VPS9D1: variants seen among roughly 807,000 people sequenced by gnomAD.
VPS9D1 encodes the protein VPS9 domain-containing protein 1.
A neutral mutation model predicts 75.8 loss-of-function variants in VPS9D1; 78 were observed. That is an observed-to-expected ratio of 1.03 (90% CI 0.86 to 1.24). VPS9D1 has a LOEUF of 1.24. Among genes scored for constraint, VPS9D1 ranks in the 50% most tolerant of loss-of-function variants. The probability of loss-of-function intolerance (pLI) is 0.00; values close to 1 mark genes in which losing one functional copy is unlikely to be tolerated. For synonymous variants in VPS9D1, 481 were observed against 385.6 expected (o/e 1.25, Z -2.90); for missense variants, 1,057 against 847.7 (o/e 1.25, Z -3.07).
chr16:89,716,978 T>G lies in VPS9D1; in HGVS notation c.176-156A>C, dbSNP rs867094780. On this transcript the variant is annotated intron_variant, in intron 2 of 14. Transcript: ENST00000389386. ...GCCCACTGCCCCCCCATCCCCTCAC[T>G]GACCCTGGGCAAGCCCACTGCCCCC... 4 of 407,450 alleles carry G rather than the reference T, an allele frequency of 9.8e-6. No individual in the cohort carries two copies. The African/African-American group carries it at 2.7e-4, about 28-fold the overall frequency. The allele number at this position is 407,450 out of a possible 1,614,324, so 25.2% of individuals were successfully genotyped here. A position where few individuals can be genotyped will look rare whatever the true frequency, so the allele number is the denominator to read the frequency against.
At position 89,711,988 on chromosome 16, in the gene VPS9D1, G is replaced by C; in HGVS notation, c.660-19C>G. 6.5e-7 allele frequency: 1 copy of C among 1,550,234 alleles called. No individual in the cohort carries two copies. Among genetic ancestry groups the C allele is most frequent in the Non-Finnish European group, 8.7e-7 (1 of 1,146,630 alleles). ...AAACCTCCTGGGGAGAAAGGCACGC[G>C]GTGGGTGCCGGGGCCAGGCCCTCCC... is the stretch of plus-strand genomic sequence containing the variant. On this transcript the variant is annotated intron_variant, in intron 7 of 14. Coordinates refer to ENST00000389386, the MANE Select transcript of VPS9D1 (RefSeq NM_004913.3).
chr16:89,720,518 C>G (rs1417911421), intron 1 of VPS9D1: 1 of 1,151,538 alleles, frequency 8.7e-7, no homozygotes, highest in Non-Finnish European at 1.1e-6. Context: ...GGAGCCCAGG[C>G]TGTGATGCAC....
At position 89,710,937 on chromosome 16, in the gene VPS9D1, C is replaced by A. The variant is rs527419696; in HGVS notation, c.907G>T (p.Val303Leu). 1.4e-5 allele frequency: 21 copies of A among 1,480,244 alleles called. No individual in the cohort carries two copies. The highest frequency in any genetic ancestry group is 1.2e-4 in the East Asian group (5 of 40,368). 91.7% of individuals were successfully genotyped at this position (1,480,244 alleles called of 1,614,324 possible). A position where few individuals can be genotyped will look rare whatever the true frequency, so the allele number is the denominator to read the frequency against. Residue 303 changes from valine (V) to leucine (L), a missense_variant, in exon 10 of 15, where the codon GTG becomes TTG. Val to Leu is a conservative substitution (Grantham distance 32, BLOSUM62 1). Transcript: ENST00000389386. The stretch of plus-strand genomic sequence containing the variant: ...GGGGCTGGCGCGGCTGCTCTGCTCA[C>A]GGCGGGATACAGGGCGCTGTACACG... ...CSVYSALYPAVSRAAAPAPGC... is the reference protein window; with the variant it reads ...CSVYSALYPALSRAAAPAPGC...
chr16:89,712,129 G>A (rs755754960), intron 6 of VPS9D1, 30 bp from the exon 7 acceptor site: 2 of 1,548,026 alleles, frequency 1.3e-6, no homozygotes, highest in South Asian at 1.2e-5. Context: ...GCCGAGCGTG[G>A]GATCTGAGCG....
chr16:89,710,912 G>T lies in VPS9D1; in HGVS notation c.932C>A (p.Pro311Gln). ...PAVSRAAAPAPGCCPPTPNPG... is the reference protein window; with the variant it reads ...PAVSRAAAPAQGCCPPTPNPG... Reference sequence around the variant, plus strand: ...GTTGGGGGTCGGGGGGCAGCAGCCTGGGGCTGGCGCGGCTGCTCTGCTCAC... The same window carrying T: ...GTTGGGGGTCGGGGGGCAGCAGCCTTGGGCTGGCGCGGCTGCTCTGCTCAC... The change falls in exon 10 of 15, where the codon CCA becomes CAA. Residue 311 changes from proline to glutamine, a missense_variant. Coordinates refer to ENST00000389386, the MANE Select transcript of VPS9D1 (RefSeq NM_004913.3). The T allele has an allele frequency of 6.7e-7, 1 of 1,491,668 alleles. No individual in the cohort carries two copies. Among genetic ancestry groups the T allele is most frequent in the East Asian group, 2.5e-5 (1 of 40,422 alleles). 92.4% of individuals were successfully genotyped at this position (1,491,668 alleles called of 1,614,324 possible). A position where few individuals can be genotyped will look rare whatever the true frequency, so the allele number is the denominator to read the frequency against.
rs1353345783 is a variant in VPS9D1 at position 89,708,971 on chromosome 16, G to C, written c.1598-15C>G. The C allele has an allele frequency of 1.4e-5, 22 of 1,581,836 alleles. 1 individual carries two copies. The Middle Eastern group carries it at 1.0e-3, about 74-fold the overall frequency. ...CAGGGTCCGCACTGCGCCCCAGACAGGGTTTCAGGGGCAGTTAACCCCGTC... is the reference window on the plus strand; with the variant it reads ...CAGGGTCCGCACTGCGCCCCAGACACGGTTTCAGGGGCAGTTAACCCCGTC... On this transcript the variant is annotated splice_polypyrimidine_tract_variant and intron_variant, in intron 12 of 14. Coordinates refer to ENST00000389386, the MANE Select transcript of VPS9D1 (RefSeq NM_004913.3).
At chr16:89,711,125 A>C in intron 9 of VPS9D1, 115 bp from the exon 10 acceptor site, 1 of 1,266,658 alleles carries the variant, frequency 7.9e-7, no homozygotes, top group South Asian at 1.6e-5. Context: ...CTGACAGTGA[A>C]TGTTGGAAAG....
In VPS9D1 at chr16:89,707,909, A is replaced by T; in HGVS notation, c.1848T>A (p.Ser616Arg). 1 of 1,613,034 alleles carries T rather than the reference A, an allele frequency of 6.2e-7. No homozygotes were observed. Residue 616 changes from serine (S) to arginine (R), a missense_variant, in exon 15 of 15, where the codon AGT becomes AGA. Ser to Arg is a moderately radical substitution (Grantham distance 110). Transcript: ENST00000389386. ...GCAGCAGCTCCACGTAGCTCAGGGCACTCTGCAGTGATGTGAGGCAGTAGC... is the reference window on the plus strand; with the variant it reads ...GCAGCAGCTCCACGTAGCTCAGGGCTCTCTGCAGTGATGTGAGGCAGTAGC... ...EEGYCLTSLQ[S>R]ALSYVELLPR...
At chr16:89,716,928 C>T in intron 2 of VPS9D1, 106 bp from the exon 3 acceptor site, 1 of 1,069,052 alleles carries the variant, frequency 9.4e-7, no homozygotes, top group South Asian at 1.6e-5. Context: ...CTGCCCCCCT[C>T]AGCACCCCCA....
In VPS9D1 at chr16:89,710,716, C is replaced by T; in HGVS notation, c.1128G>A (p.Lys376=). The T allele has an allele frequency of 1.2e-6, 2 of 1,602,612 alleles. No homozygotes were observed. Among genetic ancestry groups the T allele is most frequent in the South Asian group, 1.1e-5 (1 of 89,520 alleles). ...GCTCCAGGTCCTCGAACGAGCTGTCCTTGTCTGGCAATCCAGATGCGGTGT... is the reference window on the plus strand; with the variant it reads ...GCTCCAGGTCCTCGAACGAGCTGTCTTTGTCTGGCAATCCAGATGCGGTGT... ...LGDTASGLPD[K]DSSFEDLEQF... Residue 376 remains lysine, a synonymous_variant, in exon 10 of 15, where the codon AAG becomes AAA. Coordinates refer to ENST00000389386, the MANE Select transcript of VPS9D1 (RefSeq NM_004913.3).
Position 89,708,442 on chromosome 16 carries a change from T to A in VPS9D1, c.1787A>T (p.Glu596Val). 6.2e-7 allele frequency: 1 copy of A among 1,612,100 alleles called. No individual in the cohort carries two copies. The highest frequency in any genetic ancestry group is 8.5e-7 in the Non-Finnish European group (1 of 1,179,602). ...QLVSECAALEEFIHEGYLIGE... is the reference protein window; with the variant it reads ...QLVSECAALEVFIHEGYLIGE... ...CAGGGTCTACCCCTCGTGGATGAACTCCTCCAGGGCCGCGCACTCCGACAC... is the reference window on the plus strand; with the variant it reads ...CAGGGTCTACCCCTCGTGGATGAACACCTCCAGGGCCGCGCACTCCGACAC... The change falls in exon 14 of 15, where the codon GAG becomes GTG. Residue 596 changes from glutamate to valine, a missense_variant. Physicochemically the swap from Glu to Val is moderately radical, Grantham distance 121 (BLOSUM62 -2). Transcript: ENST00000389386.
Position 89,716,828 on chromosome 16 carries a change from G to T in VPS9D1, c.176-6C>A. 1 of 1,587,054 alleles carries T rather than the reference G, an allele frequency of 6.3e-7. No homozygotes were observed. The highest frequency in any genetic ancestry group is 2.3e-5 in the East Asian group (1 of 44,414). On this transcript the variant is annotated splice_polypyrimidine_tract_variant and splice_region_variant and intron_variant, in intron 2 of 14. Coordinates refer to ENST00000389386, the MANE Select transcript of VPS9D1 (RefSeq NM_004913.3). ...GGGCACAGTTTCCCCAGCTTCTGGG[G>T]GAGGGACAAGAAGGCTGGTCACAGT...
In VPS9D1 at chr16:89,710,868, G is replaced by A; in HGVS notation, c.976C>T (p.Arg326Trp). The change falls in exon 10 of 15, where the codon CGG (arginine) becomes TGG (tryptophan). Residue 326 changes from arginine (R) to tryptophan (W), a missense_variant. Physicochemically the swap from Arg to Trp is moderately radical, Grantham distance 101 (BLOSUM62 -3). Transcript: ENST00000389386. ...PTPNPGSRRL[R>W]PSQSLHCMLS... ...ATGCAATGGAGGCTCTGCGAGGGCC[G>A]CAGCCGTCGGCTTCCGGGGTTGGGG... The A allele has an allele frequency of 3.3e-6, 5 of 1,504,926 alleles. No homozygotes were observed. Among genetic ancestry groups the A allele is most frequent in the Admixed American group, 2.2e-5 (1 of 46,410 alleles). The allele number at this position is 1,504,926 out of a possible 1,614,324, so 93.2% of individuals were successfully genotyped here. A position where few individuals can be genotyped will look rare whatever the true frequency, so the allele number is the denominator to read the frequency against.
At position 89,720,761 on chromosome 16, in the gene VPS9D1, A is replaced by C. The variant is rs1263386475; in HGVS notation, c.99+2T>G. 2.8e-6 allele frequency: 4 copies of C among 1,444,498 alleles called. No homozygotes were observed. The Admixed American group carries it at 9.9e-5, about 36-fold the overall frequency. 89.5% of individuals were successfully genotyped at this position (1,444,498 alleles called of 1,614,324 possible). ...CCAAGCCCCGCCCCCGCCCCGCCTCACCCGGGGCCGGTTGCCGGTGTCCAG... is the reference window on the plus strand; with the variant it reads ...CCAAGCCCCGCCCCCGCCCCGCCTCCCCCGGGGCCGGTTGCCGGTGTCCAG... On this transcript the variant is annotated splice_donor_variant, in intron 1 of 14. Coordinates refer to ENST00000389386, the MANE Select transcript of VPS9D1 (RefSeq NM_004913.3). LOFTEE classifies it high-confidence loss of function.
At chr16:89,719,381 A>G (rs1172932557) in intron 1 of VPS9D1, 7 of 551,952 alleles carry the variant, frequency 1.3e-5, no homozygotes, top group Non-Finnish European at 2.4e-5. Flanking sequence ...TTCTCCTCTG[A>G]CTGCCTTTCT....
intron 2 of VPS9D1, chr16:89,717,731 T>A: frequency 2.2e-6 from 1 of 456,518 alleles, no homozygotes; most frequent in South Asian, 1.5e-5. Context: ...CCCCAGGGGA[T>A]CCTCTGCCAC....
At chr16:89,713,785 GATA>G (rs1267790520) in intron 4 of VPS9D1, among the ~76,000 whole-genome samples, 1 of 151,516 alleles carries the variant, frequency 6.6e-6, no homozygotes, top group African/African-American at 2.4e-5. Context: ...GAGGCAGGCG[GATA>G]ATGAGGTCAG....
Position 89,708,510 on chromosome 16 carries a change from G to A in VPS9D1, c.1719C>T (p.Pro573=). ...AAAIGADDLL[P]ILSFVVLRSG... ...TCCTCAGCACCACGAAGGACAGGAT[G>A]GGCAGCAGGTCATCGGCACCACTGT... The change falls in exon 14 of 15, where the codon CCC becomes CCT. Residue 573 remains proline, a synonymous_variant. Transcript: ENST00000389386. The A allele has an allele frequency of 1.9e-6, 3 of 1,613,096 alleles. No homozygotes were observed. Among genetic ancestry groups the A allele is most frequent in the Non-Finnish European group, 2.5e-6 (3 of 1,179,886 alleles).
intron 9 of VPS9D1, 99 bp downstream of exon 9, chr16:89,711,228 C>G: frequency 7.4e-7 from 1 of 1,354,364 alleles, no homozygotes; most frequent in Admixed American, 2.1e-5. Flanking sequence ...CGGGCACAGG[C>G]TCCCTGTGTC....
Sources: allele counts gnomAD v4.1 joint callset (sites outside exome capture counted in the v4.1 genomes callset), GRCh38; gene constraint gnomAD v4.1.1; transcripts MANE v1.5; gene names NCBI Gene and HGNC (gene_info 2026-07-23, HGNC 2026-07-21).